EXOC6: variants seen among roughly 807,000 people sequenced by gnomAD.
The protein encoded by EXOC6 is exocyst complex component 6.
Under a neutral mutation model 112.5 loss-of-function variants are expected in EXOC6, and 60 were observed. That is an observed-to-expected ratio of 0.53 (90% CI 0.43 to 0.66). The LOEUF is 0.66. Ranked by LOEUF, EXOC6 falls within the 30% of genes least tolerant of loss-of-function variation. EXOC6 has a pLI of 0.00. For missense variants in EXOC6, 855 were observed against 957.1 expected (o/e 0.89, Z 1.41); for synonymous variants, 295 against 308.0 (o/e 0.96, Z 0.44).
At chr10:92,831,422 T>A (rs139161780), upstream of EXOC6, 82 of 919,184 alleles carry the variant, frequency 8.9e-5, no homozygotes, top group Non-Finnish European at 1.2e-4. Context: ...TTCTATACTA[T>A]ATTCTATTTT....
At chr10:92,969,838 C>T (rs1201560777) in intron 17 of EXOC6, among the ~76,000 whole-genome samples, 2 of 151,974 alleles carry the variant, frequency 1.3e-5, no homozygotes, top group Non-Finnish European at 2.9e-5. Flanking sequence ...GGATTATAGG[C>T]GTACACCACC....
intron 6 of EXOC6, among the ~76,000 whole-genome samples, chr10:92,914,468 C>CAT (rs1850971756): frequency 6.6e-6 from 1 of 152,142 alleles, no homozygotes; most frequent in African/African-American, 2.4e-5. Flanking sequence ...GAACTTAGAA[C>CAT]CCTTTTTTCA....
At chr10:92,954,386 G>C (rs1853579508) in intron 15 of EXOC6, among the ~76,000 whole-genome samples, 1 of 152,104 alleles carries the variant, frequency 6.6e-6, no homozygotes, top group African/African-American at 2.4e-5. Context: ...TGATTTTTCT[G>C]TGGTTGTTAA....
At chr10:92,896,045 G>A (rs867066522) in intron 4 of EXOC6, among the ~76,000 whole-genome samples, 1 of 84,380 alleles carries the variant, frequency 1.2e-5, no homozygotes, top group South Asian at 5.1e-4. Flanking sequence ...GTATATATAT[G>A]TGTATATATA....
intron 20 of EXOC6, among the ~76,000 whole-genome samples, chr10:93,036,917 G>A (rs919551461): frequency 6.6e-6 from 1 of 152,042 alleles, no homozygotes; most frequent in African/African-American, 2.4e-5. Flanking sequence ...AGATTTACCT[G>A]TTTTCAATTA....
At chr10:92,966,586 C>G (rs376966598) in intron 17 of EXOC6, among the ~76,000 whole-genome samples, 78 of 151,492 alleles carry the variant, frequency 5.1e-4, no homozygotes, top group South Asian at 4.2e-3. Flanking sequence ...ATGATTTCCA[C>G]TTTCATCCAT....
chr10:92,837,770 C>G (rs1846708824), intron 1 of EXOC6, among the ~76,000 whole-genome samples: 1 of 152,058 alleles, frequency 6.6e-6, no homozygotes, highest in African/African-American at 2.4e-5. Flanking sequence ...CCTTGAGGCC[C>G]CGGAATGAAC....
At chr10:92,836,480 TCAC>T (rs1426022750) in intron 1 of EXOC6, among the ~76,000 whole-genome samples, 1 of 152,184 alleles carries the variant, frequency 6.6e-6, no homozygotes, top group Non-Finnish European at 1.5e-5. Flanking sequence ...TGCTACCCTG[TCAC>T]GACCATGCAG....
intron 19 of EXOC6, among the ~76,000 whole-genome samples, chr10:93,002,063 T>C (rs1368810308): frequency 6.6e-6 from 1 of 152,196 alleles, no homozygotes; most frequent in Non-Finnish European, 1.5e-5. Flanking sequence ...CCAAAACTGT[T>C]AAACCTTTTT....
chr10:93,045,132 A>G (rs759056624), intron 20 of EXOC6, among the ~76,000 whole-genome samples: 1 of 152,190 alleles, frequency 6.6e-6, no homozygotes, highest in Non-Finnish European at 1.5e-5. Flanking sequence ...TCAGCCTCCT[A>G]AAGTGCTGGG....
upstream of EXOC6, among the ~76,000 whole-genome samples, chr10:92,848,094 A>G (rs573310660): frequency 6.6e-6 from 1 of 152,210 alleles, no homozygotes; most frequent in Non-Finnish European, 1.5e-5. Flanking sequence ...CCCACGACCC[A>G]GAGTACATCA....
At chr10:93,035,940 G>C (rs1845494488) in intron 20 of EXOC6, among the ~76,000 whole-genome samples, 2 of 152,026 alleles carry the variant, frequency 1.3e-5, no homozygotes, top group African/African-American at 4.8e-5. Context: ...AAGCTCTCAG[G>C]CCGGGCACGG....
At chr10:93,019,513 G>T (rs569364481) in intron 20 of EXOC6, among the ~76,000 whole-genome samples, 2 of 152,158 alleles carry the variant, frequency 1.3e-5, no homozygotes, top group African/African-American at 4.8e-5. Flanking sequence ...ATTTACATAA[G>T]TTCCATAAGA....
At chr10:92,984,701 T>C (rs1589976215) in intron 18 of EXOC6, among the ~76,000 whole-genome samples, 1 of 152,300 alleles carries the variant, frequency 6.6e-6, no homozygotes, top group Non-Finnish European at 1.5e-5. Flanking sequence ...GCTGGTTATA[T>C]AATTATAGGT....
intron 18 of EXOC6, among the ~76,000 whole-genome samples, chr10:92,979,986 A>C (rs561664322): frequency 6.6e-6 from 1 of 152,150 alleles, no homozygotes; most frequent in South Asian, 2.1e-4. Flanking sequence ...GTAGCTGAGA[A>C]GGCAGCCTCT....
intron 20 of EXOC6, among the ~76,000 whole-genome samples, chr10:93,031,812 C>G (rs552299172): frequency 2.8e-4 from 43 of 152,196 alleles, no homozygotes; most frequent in African/African-American, 1.0e-3. Flanking sequence ...CGTGCCCGCC[C>G]CCATGCCATT....
intron 1 of EXOC6, among the ~76,000 whole-genome samples, chr10:92,863,636 G>A (rs10882122): frequency 0.45 from 68,256 of 151,824 alleles, 16,116 homozygotes; most frequent in African/African-American, 0.58. Flanking sequence ...AGAAAAGTCC[G>A]GTGCGGTGGC....
chr10:92,994,507 T>C (rs945777941), intron 18 of EXOC6, among the ~76,000 whole-genome samples: 3 of 152,202 alleles, frequency 2.0e-5, no homozygotes, highest in Non-Finnish European at 2.9e-5. Flanking sequence ...TACTTATTTA[T>C]TGAACTTTGT....
chr10:93,058,176 C>T (rs748282346), intron 21 of EXOC6, 47 bp from the exon 22 acceptor site: 1 of 1,566,730 alleles, frequency 6.4e-7, no homozygotes, highest in Non-Finnish European at 8.6e-7. Context: ...GACAGCTTAG[C>T]TTTTAATTTT....
Sources: gnomAD v4.1 joint callset for allele counts (sites outside exome capture counted in the v4.1 genomes callset) on GRCh38, gnomAD v4.1.1 for gene constraint, MANE v1.5 for transcripts, NCBI Gene and HGNC (gene_info 2026-07-23, HGNC 2026-07-21) for gene names.